HCN1: variants seen among roughly 807,000 people sequenced by gnomAD.
HCN1 encodes the protein hyperpolarization activated cyclic nucleotide gated potassium channel 1.
A neutral mutation model predicts 78.9 loss-of-function variants in HCN1; 13 were observed. The observed-to-expected ratio is 0.16, with a 90% confidence interval of 0.11 to 0.26. The LOEUF is 0.26. HCN1 is among the 10% of genes least tolerant of loss of function. The pLI is 1.00. For missense variants in HCN1, 810 were observed against 1,154.3 expected (o/e 0.70, Z 4.32); for synonymous variants, 552 against 455.5 (o/e 1.21, Z -2.70).
At chr5:45,300,258 T>C (rs1745583370) in intron 6 of HCN1, among the ~76,000 whole-genome samples, 1 of 152,028 alleles carries the variant, frequency 6.6e-6, no homozygotes, top group Non-Finnish European at 1.5e-5. Context: ...CCTACAAATT[T>C]ATCCCCAAAC....
chr5:45,262,637 T>A lies in HCN1; in HGVS notation c.1957A>T (p.Thr653Ser), dbSNP rs1195261110. ...CTCATGCGGGAGGTCGGGGTCGTAG[T>A]AGACGATGTGGAATTCAGGGTTGTC... ...QMTTLNSTSS[T>S]TTPTSRMRTQ... Residue 653 changes from threonine (T) to serine (S), a missense_variant, in exon 8 of 8, where the codon ACT (threonine) becomes TCT (serine). By Grantham distance (58) the Thr-to-Ser change is moderately conservative (BLOSUM62 1). Coordinates refer to ENST00000303230, the MANE Select transcript of HCN1 (RefSeq NM_021072.4). The A allele has an allele frequency of 6.2e-7, 1 of 1,613,946 alleles. No individual in the cohort carries two copies. Among genetic ancestry groups the A allele is most frequent in the South Asian group, 1.1e-5 (1 of 91,062 alleles).
At chr5:45,510,794 CAA>C (rs34186274) in intron 2 of HCN1, among the ~76,000 whole-genome samples, 1 of 151,774 alleles carries the variant, frequency 6.6e-6, no homozygotes, top group Non-Finnish European at 1.5e-5. Context: ...CATTTAAGAA[CAA>C]AAAAAGTTAC....
chr5:45,264,066 T>C (rs1323916245), intron 7 of HCN1, among the ~76,000 whole-genome samples: 1 of 152,228 alleles, frequency 6.6e-6, no homozygotes, highest in Non-Finnish European at 1.5e-5. Context: ...GTGCTGGGAT[T>C]ACAGGCGTGA....
intron 2 of HCN1, among the ~76,000 whole-genome samples, chr5:45,629,714 T>C (rs1019789798): frequency 1.3e-4 from 20 of 152,100 alleles, no homozygotes; most frequent in Admixed American, 5.2e-4. Context: ...GTTTTCCTTA[T>C]AAAAAAATTA....
At chr5:45,649,400 G>A (rs1284884395) in intron 1 of HCN1, among the ~76,000 whole-genome samples, 1 of 151,856 alleles carries the variant, frequency 6.6e-6, no homozygotes, top group Non-Finnish European at 1.5e-5. Context: ...TGTTACAAAT[G>A]ATGAACCTAC....
chr5:45,542,784 T>C (rs1743132232), intron 2 of HCN1, among the ~76,000 whole-genome samples: 1 of 152,076 alleles, frequency 6.6e-6, no homozygotes, highest in Non-Finnish European at 1.5e-5. Context: ...TTTGATAAAA[T>C]TGGGAGAAGC....
chr5:45,522,482 C>T (rs919077798), intron 2 of HCN1, among the ~76,000 whole-genome samples: 3 of 152,066 alleles, frequency 2.0e-5, no homozygotes, highest in South Asian at 4.1e-4. Context: ...TACTATACCC[C>T]TACAATTACT....
At chr5:45,475,565 A>G (rs1741495136) in intron 2 of HCN1, among the ~76,000 whole-genome samples, 1 of 152,110 alleles carries the variant, frequency 6.6e-6, no homozygotes, top group Admixed American at 6.6e-5. Flanking sequence ...GATTTAACTT[A>G]ATAGAATTCA....
intron 2 of HCN1, among the ~76,000 whole-genome samples, chr5:45,537,835 G>T (rs1405380287): frequency 6.6e-6 from 1 of 151,778 alleles, no homozygotes; most frequent in African/African-American, 2.4e-5. Flanking sequence ...CTACAACTAT[G>T]TAAAGAACCT....
chr5:45,306,160 A>C (rs1745729998), intron 5 of HCN1, among the ~76,000 whole-genome samples: 1 of 152,130 alleles, frequency 6.6e-6, no homozygotes, highest in African/African-American at 2.4e-5. Flanking sequence ...TGACAGAATA[A>C]TACTGTGTAG....
At position 45,420,127 on chromosome 5, in the gene HCN1, C is replaced by T. The variant is rs899112621; in HGVS notation, c.1012-23417G>A. ...TTTTTATTTTTAAAGAGCAAATTTGCGAAGGGATCTGAAGTTTCTTTTTGC... is the reference window on the plus strand; with the variant it reads ...TTTTTATTTTTAAAGAGCAAATTTGTGAAGGGATCTGAAGTTTCTTTTTGC... On this transcript the variant is annotated intron_variant, in intron 3 of 7. Coordinates refer to ENST00000303230, the MANE Select transcript of HCN1 (RefSeq NM_021072.4). 3.9e-5 allele frequency among the ~76,000 whole-genome samples: 6 copies of T among 152,028 alleles called. No homozygotes were observed. The South Asian group carries it at 6.2e-4, about 16-fold the overall frequency.
At chr5:45,382,692 C>T (rs1376316833) in intron 4 of HCN1, among the ~76,000 whole-genome samples, 1 of 152,050 alleles carries the variant, frequency 6.6e-6, no homozygotes, top group Non-Finnish European at 1.5e-5. Flanking sequence ...CTAAATAACA[C>T]CTGATGAATT....
intron 3 of HCN1, among the ~76,000 whole-genome samples, chr5:45,435,756 G>A (rs922625446): frequency 6.6e-6 from 1 of 151,974 alleles, no homozygotes; most frequent in Non-Finnish European, 1.5e-5. Flanking sequence ...TTCTTCTAAC[G>A]TTCTTTAAAG....
At chr5:45,412,470 T>C (rs1440311022) in intron 3 of HCN1, among the ~76,000 whole-genome samples, 1 of 152,040 alleles carries the variant, frequency 6.6e-6, no homozygotes, top group South Asian at 2.1e-4. Flanking sequence ...GCAATCACAC[T>C]GCAGATGAGG....
chr5:45,611,979 C>G (rs1744848105), intron 2 of HCN1, among the ~76,000 whole-genome samples: 1 of 152,070 alleles, frequency 6.6e-6, no homozygotes, highest in African/African-American at 2.4e-5. Flanking sequence ...CCCAAAAACA[C>G]AAATATTTAC....
intron 4 of HCN1, among the ~76,000 whole-genome samples, chr5:45,395,888 C>A (rs372081260): frequency 6.6e-6 from 1 of 152,062 alleles, no homozygotes; most frequent in Non-Finnish European, 1.5e-5. Context: ...CCTATATTTA[C>A]TTTTTCTCTC....
intron 2 of HCN1, among the ~76,000 whole-genome samples, chr5:45,467,059 C>T (rs1473015339): frequency 6.6e-6 from 1 of 152,110 alleles, no homozygotes; most frequent in African/African-American, 2.4e-5. Context: ...CTCTTGAGTG[C>T]TTTTTACCTG....
chr5:45,561,464 A>G (rs1743600219), intron 2 of HCN1, among the ~76,000 whole-genome samples: 1 of 152,088 alleles, frequency 6.6e-6, no homozygotes, highest in Admixed American at 6.6e-5. Context: ...AGGCTAAAAT[A>G]TTTTGTAAAT....
chr5:45,511,778 A>T (rs1192158505), intron 2 of HCN1, among the ~76,000 whole-genome samples: 1 of 152,066 alleles, frequency 6.6e-6, no homozygotes, highest in East Asian at 1.9e-4. Context: ...TAGACTAAAA[A>T]ACTAAGCAAT....
Sources: gnomAD v4.1 joint callset for allele counts (sites outside exome capture counted in the v4.1 genomes callset) on GRCh38, gnomAD v4.1.1 for gene constraint, MANE v1.5 for transcripts, NCBI Gene and HGNC (gene_info 2026-07-23, HGNC 2026-07-21) for gene names.